INSC: variants seen among roughly 807,000 people sequenced by gnomAD.
INSC encodes INSC spindle orientation adaptor protein.
A neutral mutation model predicts 58.6 loss-of-function variants in INSC; 67 were observed. The ratio of observed to expected loss-of-function variants is 1.14; its 90% CI spans 0.94 to 1.40. The LOEUF (loss-of-function observed/expected upper bound fraction) is 1.40, where lower values mean the gene tolerates loss of function less well. INSC is among the 40% of genes most tolerant of loss of function. The pLI is 0.00. For synonymous variants in INSC, 262 were observed against 276.1 expected (o/e 0.95, Z 0.51); for missense variants, 714 against 692.0 (o/e 1.03, Z -0.36).
At chr11:15,182,502 A>G (rs796983754) in intron 5 of INSC, among the ~76,000 whole-genome samples, 8 of 152,360 alleles carry the variant, frequency 5.3e-5, no homozygotes, top group African/African-American at 1.9e-4. Flanking sequence ...ATTGACGGGC[A>G]TTTGAACTGT....
intron 1 of INSC, among the ~76,000 whole-genome samples, chr11:15,118,349 A>G (rs1048413469): frequency 1.3e-5 from 2 of 152,232 alleles, no homozygotes; most frequent in Non-Finnish European, 2.9e-5. Flanking sequence ...ACTCCAAGTC[A>G]AATTATTTTA....
chr11:15,261,670 A>C, the INSC span, among the ~76,000 whole-genome samples: 2 of 152,174 alleles, frequency 1.3e-5, no homozygotes, highest in African/African-American at 4.8e-5. Flanking sequence ...CTTTCTTACT[A>C]CATGCTGCAT....
At chr11:15,120,145 G>A (rs1249024983) in intron 1 of INSC, among the ~76,000 whole-genome samples, 1 of 152,154 alleles carries the variant, frequency 6.6e-6, no homozygotes, top group Non-Finnish European at 1.5e-5. Context: ...CATTTTCTGA[G>A]GATGATGAAA....
chr11:15,208,640 AGACTGAAGG>A (rs1850901260), intron 7 of INSC, among the ~76,000 whole-genome samples: 1 of 152,218 alleles, frequency 6.6e-6, no homozygotes, highest in South Asian at 2.1e-4. Context: ...AGTACTTTCC[AGACTGAAGG>A]AAGGCTCGGG....
At chr11:15,230,487 G>A (rs529005035) in intron 9 of INSC, among the ~76,000 whole-genome samples, 1 of 152,074 alleles carries the variant, frequency 6.6e-6, no homozygotes, top group Non-Finnish European at 1.5e-5. Flanking sequence ...ATTCATGAAG[G>A]GTCCACCCCC....
intron 1 of INSC, among the ~76,000 whole-genome samples, chr11:15,135,452 A>C (rs1329542562): frequency 3.3e-5 from 5 of 152,228 alleles, no homozygotes; most frequent in African/African-American, 1.2e-4. Flanking sequence ...TGATTTGCTG[A>C]GAATGATTGT....
At chr11:15,157,877 C>T (rs536989261) in intron 2 of INSC, among the ~76,000 whole-genome samples, 1 of 152,314 alleles carries the variant, frequency 6.6e-6, no homozygotes, top group East Asian at 1.9e-4. Context: ...CTGACCCCCA[C>T]TTCTGCTGTG....
intron 6 of INSC, among the ~76,000 whole-genome samples, chr11:15,198,399 A>C (rs981347584): frequency 6.6e-6 from 1 of 152,070 alleles, no homozygotes; most frequent in African/African-American, 2.4e-5. Flanking sequence ...CTTGAGAGAG[A>C]TGTAATGAGA....
rs80173846 is a variant in INSC, at chr11:15,200,189, A to G, written c.694-635A>G. 3.7e-4 allele frequency among the ~76,000 whole-genome samples: 55 copies of G among 150,514 alleles called. 1 individual carries two copies. The highest frequency in any genetic ancestry group is 1.3e-3 in the African/African-American group (54 of 40,538). ...CACACACACACACACACACACACAC[A>G]CAAACAGGAGTAAACGAGTGAAAAT... On this transcript the variant is annotated intron_variant, in intron 6 of 12. Transcript: ENST00000379556.
intron 1 of INSC, among the ~76,000 whole-genome samples, chr11:15,122,826 C>T (rs1486494773): frequency 1.3e-5 from 2 of 152,182 alleles, no homozygotes; most frequent in African/African-American, 4.8e-5. Flanking sequence ...CCAATTTGTT[C>T]TCCACACAGC....
chr11:15,268,380 A>G, the INSC span, among the ~76,000 whole-genome samples: 3 of 152,052 alleles, frequency 2.0e-5, no homozygotes, highest in Admixed American at 6.6e-5. Flanking sequence ...AACACATAAT[A>G]AAAATCTAAT....
the INSC span, among the ~76,000 whole-genome samples, chr11:15,253,450 C>T: frequency 6.6e-6 from 1 of 152,082 alleles, no homozygotes; most frequent in African/African-American, 2.4e-5. Context: ...TTATCTCTGG[C>T]TATATTAAAC....
At chr11:15,177,266 G>A (rs117304343) in intron 4 of INSC, 103 bp downstream of exon 4, 13,090 of 873,674 alleles carry the variant, frequency 0.015, 150 homozygotes, top group Non-Finnish European at 0.02. Context: ...GGGAGGCGTG[G>A]TGGTGGTTTC....
intron 9 of INSC, among the ~76,000 whole-genome samples, chr11:15,233,919 C>T (rs1203425948): frequency 2.6e-5 from 4 of 152,156 alleles, no homozygotes; most frequent in Non-Finnish European, 5.9e-5. Context: ...TGTACCTCCT[C>T]CCTCATAAGA....
At chr11:15,247,733 G>GTATATATA (rs57312382), downstream of INSC, among the ~76,000 whole-genome samples, 184 of 127,488 alleles carry the variant, frequency 1.4e-3, 5 homozygotes, top group African/African-American at 4.8e-3. Context: ...TAGAAATAAG[G>GTATATATA]TATATATATA....
chr11:15,249,013 G>C (rs557440489), downstream of INSC, among the ~76,000 whole-genome samples: 1 of 152,128 alleles, frequency 6.6e-6, no homozygotes, highest in African/African-American at 2.4e-5. Flanking sequence ...GGGCTTATCC[G>C]GTGGGAGCCA....
At chr11:15,229,978 A>ATAATATATATATT (rs1851819893) in intron 9 of INSC, among the ~76,000 whole-genome samples, 1 of 25,210 alleles carries the variant, frequency 4.0e-5, no homozygotes, top group African/African-American at 1.7e-4. Context: ...ATATATATAT[A>ATAATATATATATT]TTATATATAT....
rs532172423 is a variant in INSC at position 15,163,840 on chromosome 11, G to A, written c.57-11901G>A. On this transcript the variant is annotated intron_variant, in intron 2 of 12. Coordinates refer to ENST00000379556, the MANE Select transcript of INSC (RefSeq NM_001042536.3). ...ATCTCCTGACCTCATGATTCACCTCGGCCTCCCAGAGTGCTGGGATTATAG... is the reference window on the plus strand; with the variant it reads ...ATCTCCTGACCTCATGATTCACCTCAGCCTCCCAGAGTGCTGGGATTATAG... Among the ~76,000 whole-genome samples, 32 of 152,216 alleles carry A rather than the reference G, an allele frequency of 2.1e-4. 1 individual carries two copies. In the South Asian group the frequency reaches 6.4e-3, roughly 31 times the overall value.
intron 1 of INSC, among the ~76,000 whole-genome samples, chr11:15,120,568 G>C (rs758942360): frequency 6.1e-4 from 93 of 152,322 alleles, no homozygotes; most frequent in Non-Finnish European, 1.1e-3. Flanking sequence ...GTTGCCTAAC[G>C]TGGTAAGTTT....
Sources: allele counts gnomAD v4.1 joint callset (sites outside exome capture counted in the v4.1 genomes callset), GRCh38; gene constraint gnomAD v4.1.1; transcripts MANE v1.5; gene names NCBI Gene and HGNC (gene_info 2026-07-23, HGNC 2026-07-21).